MEF2D: variants seen among roughly 807,000 people sequenced by gnomAD.
The protein encoded by MEF2D is myocyte-specific enhancer factor 2D.
Under a neutral mutation model 59.3 loss-of-function variants are expected in MEF2D, and 10 were observed. The observed-to-expected ratio is 0.17, with a 90% CI of 0.10 to 0.29. The LOEUF is 0.29. MEF2D is among the 10% of genes least tolerant of loss of function. The probability of loss-of-function intolerance (pLI) is 1.00; values close to 1 mark genes in which losing one functional copy is unlikely to be tolerated. For synonymous variants in MEF2D, 305 were observed against 295.0 expected (o/e 1.03, Z -0.35); for missense variants, 508 against 699.4 (o/e 0.73, Z 3.09).
Position 156,487,018 on chromosome 1 carries a change from G to GTCCTCAA in MEF2D, c.-138-3595_-138-3589dup, listed in dbSNP as rs1672417451. Among the ~76,000 whole-genome samples, 4 of 152,162 alleles carry GTCCTCAA rather than the reference G, an allele frequency of 2.6e-5. No homozygotes were observed. The South Asian group carries it at 8.3e-4, about 32-fold the overall frequency. On this transcript the variant is annotated intron_variant, in intron 1 of 11. Coordinates refer to ENST00000348159, the MANE Select transcript of MEF2D (RefSeq NM_005920.4). ...CCCTCCAACCACCCCTGGTATCCCA[G>GTCCTCAA]TCCTCAACCCTCCCCACCCTCAGGT...
chr1:156,492,123 T>C (rs536472248), intron 1 of MEF2D, among the ~76,000 whole-genome samples: 3 of 152,394 alleles, frequency 2.0e-5, no homozygotes, highest in African/African-American at 7.2e-5. Context: ...GCTCTGTCAC[T>C]GCCTTGGGGC....
intron 1 of MEF2D, among the ~76,000 whole-genome samples, chr1:156,498,465 C>T (rs1571281839): frequency 6.6e-6 from 1 of 152,166 alleles, no homozygotes; most frequent in African/African-American, 2.4e-5. Flanking sequence ...AGAATCCCTC[C>T]CTACTATGAA....
At chr1:156,467,798 A>C in intron 11 of MEF2D, 142 bp from the exon 12 acceptor site, 1 of 1,072,360 alleles carries the variant, frequency 9.3e-7, no homozygotes. Flanking sequence ...GAGCAGAAGG[A>C]CTGATGCTGG....
In MEF2D at chr1:156,464,017, T is replaced by G. The variant is rs1670681918; in HGVS notation, c.*3628A>C. On this transcript the variant is annotated 3_prime_UTR_variant, in exon 12 of 12. Transcript: ENST00000348159. ...ATGGCCCATCCTGCCCCTCCCTTCC[T>G]CTTCCTCACCACCTCCCTCCCTCTG... is the stretch of plus-strand genomic sequence containing the variant. The G allele has an allele frequency of 6.6e-6, 1 of 152,584 alleles. No individual in the cohort carries two copies. Among genetic ancestry groups the G allele is most frequent in the Non-Finnish European group, 1.5e-5 (1 of 68,032 alleles). The allele number at this position is 152,584 out of a possible 1,614,324, so 9.5% of individuals were successfully genotyped here.
intron 1 of MEF2D, among the ~76,000 whole-genome samples, chr1:156,492,189 G>T (rs116477492): frequency 0.025 from 3,804 of 152,362 alleles, 156 homozygotes; most frequent in African/African-American, 0.087. Flanking sequence ...GGCGGCAGCA[G>T]CAGGAGGGAG....
chr1:156,497,976 C>A (rs1356276397), intron 1 of MEF2D, among the ~76,000 whole-genome samples: 2 of 151,788 alleles, frequency 1.3e-5, no homozygotes, highest in Non-Finnish European at 2.9e-5. Flanking sequence ...GGCCTATCCC[C>A]AAGGCCTCCT....
intron 1 of MEF2D, among the ~76,000 whole-genome samples, chr1:156,490,198 G>T (rs925782421): frequency 5.3e-5 from 8 of 152,034 alleles, no homozygotes; most frequent in Non-Finnish European, 1.0e-4. Flanking sequence ...CTCCTGCGAG[G>T]CCTGCTCCCC....
intron 9 of MEF2D, among the ~76,000 whole-genome samples, chr1:156,473,568 G>A (rs776773148): frequency 3.3e-5 from 5 of 152,220 alleles, no homozygotes; most frequent in South Asian, 2.1e-4. Flanking sequence ...GGGACAAGGC[G>A]TTTCCTTACT....
intron 9 of MEF2D, 58 bp from the exon 10 acceptor site, chr1:156,469,078 T>C (rs1260879226): frequency 1.9e-6 from 3 of 1,541,866 alleles, no homozygotes; most frequent in African/African-American, 2.7e-5. Flanking sequence ...CAGGCTCCTA[T>C]GAGGGAGCTG....
chr1:156,476,889 G>C, intron 7 of MEF2D, 123 bp downstream of exon 7: 1 of 1,188,138 alleles, frequency 8.4e-7, no homozygotes, highest in Non-Finnish European at 1.2e-6. Flanking sequence ...ATGGTTCCAA[G>C]ATTTATCTTG....
At chr1:156,479,244 G>A (rs1274597071) in intron 6 of MEF2D, 46 bp downstream of exon 6, 1 of 1,545,794 alleles carries the variant, frequency 6.5e-7, no homozygotes, top group Admixed American at 2.0e-5. Flanking sequence ...AGGCCACTGA[G>A]CGGGCACCCC....
rs377434945 is a variant in MEF2D at position 156,468,849 on chromosome 1, T to G, written c.1178A>C (p.Gln393Pro). 6.2e-7 allele frequency: 1 copy of G among 1,613,986 alleles called. No individual in the cohort carries two copies. The highest frequency in any genetic ancestry group is 8.5e-7 in the Non-Finnish European group (1 of 1,179,908). The change falls in exon 10 of 12, where the codon CAG (glutamine) becomes CCG (proline). Residue 393 changes from glutamine (Q) to proline (P), a missense_variant. Transcript: ENST00000348159. This position sits in a 1 kb window ranked among gnomAD's most constrained non-coding sequence, Gnocchi z 4.3. The part of the protein sequence containing the change: ...PPQPQQPQPQ[Q>P]PQQPQQPPQQ... The stretch of plus-strand genomic sequence containing the variant: ...AGGTGGCTGTTGCGGCTGCTGAGGC[T>G]GCTGTGGCTGTGGCTGCTGTGGCTG...
rs1430859817 is a variant in MEF2D, at chr1:156,465,585, T to C, written c.*2060A>G. The C allele has an allele frequency of 6.6e-6, 1 of 152,348 alleles. No homozygotes were observed. Among genetic ancestry groups the C allele is most frequent in the African/African-American group, 2.4e-5 (1 of 41,308 alleles). 9.4% of individuals were successfully genotyped at this position (152,348 alleles called of 1,614,324 possible). On this transcript the variant is annotated 3_prime_UTR_variant, in exon 12 of 12. Transcript: ENST00000348159. ...CCCTAGAGCTCCAGTCACACAGATT[T>C]GCACACACACCCAGCCAGGGTCAGA...
chr1:156,498,023 C>T (rs916661399), intron 1 of MEF2D, among the ~76,000 whole-genome samples: 2 of 145,496 alleles, frequency 1.4e-5, no homozygotes, highest in South Asian at 2.3e-4. Flanking sequence ...AGCTTCCTTA[C>T]TACTGCTCCT....
At chr1:156,481,750 C>T (rs550133704) in intron 3 of MEF2D, among the ~76,000 whole-genome samples, 13 of 152,342 alleles carry the variant, frequency 8.5e-5, no homozygotes, top group African/African-American at 2.9e-4. Context: ...GCACCCTCTT[C>T]GTCAGCACAA....
chr1:156,481,715 T>C (rs1672028535), intron 3 of MEF2D, among the ~76,000 whole-genome samples: 1 of 152,248 alleles, frequency 6.6e-6, no homozygotes, highest in South Asian at 2.1e-4. Flanking sequence ...CCTCCAAATC[T>C]CTGAGTAGGC....
Position 156,489,374 on chromosome 1 carries a change from A to C in MEF2D, c.-138-5944T>G, listed in dbSNP as rs564419434. On this transcript the variant is annotated intron_variant, in intron 1 of 11. Coordinates refer to ENST00000348159, the MANE Select transcript of MEF2D (RefSeq NM_005920.4). ...GCAGCCTGCTCACTAACGAGGGAGG[A>C]GGCGTGGGTGAGGCAGACACAGAAG... 4.6e-5 allele frequency among the ~76,000 whole-genome samples: 7 copies of C among 152,096 alleles called. No individual in the cohort carries two copies. The East Asian group carries it at 1.4e-3, about 29-fold the overall frequency.
rs1329504457 is a variant in MEF2D, at chr1:156,475,230, G to A, written c.884C>T (p.Ala295Val). 1.2e-6 allele frequency: 2 copies of A among 1,609,126 alleles called. No homozygotes were observed. Among genetic ancestry groups the A allele is most frequent in the Non-Finnish European group, 1.7e-6 (2 of 1,177,556 alleles). Residue 295 changes from alanine (A) to valine (V), a missense_variant, in exon 9 of 12, where the codon GCC becomes GTC. Coordinates refer to ENST00000348159, the MANE Select transcript of MEF2D (RefSeq NM_005920.4). ...LTEDHLDLNN[A>V]QRLGVSQSTH... Reference sequence around the variant, plus strand: ...AGACTGGGAGACCCCAAGGCGCTGGGCATTGTTCTGTAGGAGAAAACTGTC... The same window carrying A: ...AGACTGGGAGACCCCAAGGCGCTGGACATTGTTCTGTAGGAGAAAACTGTC...
rs1288484320 is a variant in MEF2D at position 156,465,297 on chromosome 1, T to A, written c.*2348A>T. The stretch of plus-strand genomic sequence containing the variant: ...GGAAGAGGGTACTCCAGGAACTGTG[T>A]CAAGTGTGGGTGACTAAGTGGACAT... On this transcript the variant is annotated 3_prime_UTR_variant, in exon 12 of 12. Coordinates refer to ENST00000348159, the MANE Select transcript of MEF2D (RefSeq NM_005920.4). 1 of 152,334 alleles carries A rather than the reference T, an allele frequency of 6.6e-6. No homozygotes were observed. Among genetic ancestry groups the A allele is most frequent in the African/African-American group, 2.4e-5 (1 of 41,410 alleles). 9.4% of individuals were successfully genotyped at this position (152,334 alleles called of 1,614,324 possible). A position where few individuals can be genotyped will look rare whatever the true frequency, so the allele number is the denominator to read the frequency against.
Sources: gnomAD v4.1 joint callset for allele counts (sites outside exome capture counted in the v4.1 genomes callset) on GRCh38, gnomAD v4.1.1 for gene constraint, Gnocchi (gnomAD v3.1) non-coding constraint, MANE v1.5 for transcripts, NCBI Gene and HGNC (gene_info 2026-07-23, HGNC 2026-07-21) for gene names.